TNFSF9: variants seen among roughly 807,000 people sequenced by gnomAD.
TNFSF9 encodes the protein tumor necrosis factor ligand superfamily member 9.
Under a neutral mutation model 10.3 loss-of-function variants are expected in TNFSF9, and 10 were observed. The ratio of observed to expected loss-of-function variants is 0.97; its 90% CI spans 0.60 to 1.65. The LOEUF is 1.65. Ranked by LOEUF, TNFSF9 falls within the 40% of genes most tolerant of loss-of-function variation. The pLI, the probability that TNFSF9 is intolerant of heterozygous loss-of-function variation, is 0.00. For synonymous variants in TNFSF9, 195 were observed against 176.1 expected (o/e 1.11, Z -0.85); for missense variants, 361 against 348.9 (o/e 1.03, Z -0.28).
rs1317147457 is a variant in TNFSF9, at chr19:6,535,073, G to A, written c.*7G>A. On this transcript the variant is annotated 3_prime_UTR_variant, in exon 3 of 3. Transcript: ENST00000245817. ...TTCACCGAGGTCGGAATAACGTCCA[G>A]CCTGGGTGCAGCCCACCTGGACAGA... 1.3e-6 allele frequency: 2 copies of A among 1,534,650 alleles called. No individual in the cohort carries two copies. Among genetic ancestry groups the A allele is most frequent in the Non-Finnish European group, 1.8e-6 (2 of 1,140,088 alleles).
In TNFSF9 at chr19:6,535,623, C is replaced by CAT. The variant is rs1388880978; in HGVS notation, c.*557_*558insAT. On this transcript the variant is annotated 3_prime_UTR_variant, in exon 3 of 3. Transcript: ENST00000245817. ...AGGAATTTAAAGACTCATCCCCAGCCTCCACCTCCTGTGTGATACTTGGGG... is the reference window on the plus strand; with the variant it reads ...AGGAATTTAAAGACTCATCCCCAGCCATTCCACCTCCTGTGTGATACTTGGGG... The CAT allele has an allele frequency of 3.3e-5, 5 of 152,280 alleles. No homozygotes were observed. The highest frequency in any genetic ancestry group is 1.2e-4 in the African/African-American group (5 of 41,556). 9.4% of individuals were successfully genotyped at this position (152,280 alleles called of 1,614,324 possible). A position where few individuals can be genotyped will look rare whatever the true frequency, so the allele number is the denominator to read the frequency against.
intron 1 of TNFSF9, among the ~76,000 whole-genome samples, chr19:6,532,351 GTA>G (rs958043666): frequency 8.1e-5 from 12 of 148,524 alleles, no homozygotes; most frequent in African/African-American, 2.0e-4. Context: ...GTGGGGGTGC[GTA>G]TGTGTGTGTG....
At chr19:6,533,773 A>C (rs370899613) in intron 2 of TNFSF9, among the ~76,000 whole-genome samples, 1 of 374 alleles carries the variant, frequency 2.7e-3, no homozygotes, top group Non-Finnish European at 4.3e-3. Flanking sequence ...CTCCAGAGAC[A>C]CCTTCTCCCT....
intron 2 of TNFSF9, among the ~76,000 whole-genome samples, chr19:6,533,258 A>T (rs1157249654): frequency 2.6e-5 from 1 of 38,164 alleles, no homozygotes; most frequent in African/African-American, 1.2e-4. Context: ...CCCCATCCCC[A>T]GGCCCTCCTC....
Position 6,531,271 on chromosome 19 carries a change from G to T in TNFSF9, c.235G>T (p.Asp79Tyr), listed in dbSNP as rs1915140527. 6.6e-7 allele frequency: 1 copy of T among 1,509,304 alleles called. No individual in the cohort carries two copies. The highest frequency in any genetic ancestry group is 2.7e-5 in the East Asian group (1 of 37,374). 93.5% of individuals were successfully genotyped at this position (1,509,304 alleles called of 1,614,324 possible). ...RLREGPELSP[D>Y]DPAGLLDLRQ... Reference sequence around the variant, plus strand: ...CCGCGAGGGTCCCGAGCTTTCGCCCGACGATCCCGCCGGCCTCTTGGACCT... The same window carrying T: ...CCGCGAGGGTCCCGAGCTTTCGCCCTACGATCCCGCCGGCCTCTTGGACCT... Residue 79 changes from aspartate to tyrosine, a missense_variant, in exon 1 of 3, where the codon GAC (aspartate) becomes TAC (tyrosine). Asp to Tyr is a radical substitution (Grantham distance 160). Coordinates refer to ENST00000245817, the MANE Select transcript of TNFSF9 (RefSeq NM_003811.4).
At chr19:6,531,523 G>A (rs1476695429) in intron 1 of TNFSF9, among the ~76,000 whole-genome samples, 1 of 151,366 alleles carries the variant, frequency 6.6e-6, no homozygotes, top group Non-Finnish European at 1.5e-5. Context: ...ACCCCAGGCC[G>A]GGGGCGGGGA....
In TNFSF9 at chr19:6,531,061, C is replaced by T. The variant is rs781273583; in HGVS notation, c.25C>T (p.Leu9=). MEYASDAS[L]DPEAPWPPAP... is the part of the protein sequence containing the mutation. ...CATGGAATACGCCTCTGACGCTTCA[C>T]TGGACCCCGAAGCCCCGTGGCCTCC... is the stretch of plus-strand genomic sequence containing the variant. The change falls in exon 1 of 3, where the codon CTG becomes TTG. Residue 9 remains leucine (L), a synonymous_variant. Coordinates refer to ENST00000245817, the MANE Select transcript of TNFSF9 (RefSeq NM_003811.4). 2 of 1,611,252 alleles carry T rather than the reference C, an allele frequency of 1.2e-6. No homozygotes were observed. The highest frequency in any genetic ancestry group is 1.7e-5 in the Admixed American group (1 of 59,944).
At chr19:6,531,413 G>C in intron 1 of TNFSF9, 110 bp downstream of exon 1, 3 of 1,342,954 alleles carry the variant, frequency 2.2e-6, no homozygotes, top group Non-Finnish European at 2.9e-6. Flanking sequence ...CTACACTCCC[G>C]GCCGGGGAGA....
Position 6,534,796 on chromosome 19 carries a change from G to T in TNFSF9, c.495G>T (p.Leu165=). Residue 165 remains leucine, a synonymous_variant, in exon 3 of 3, where the codon CTG becomes CTT. Coordinates refer to ENST00000245817, the MANE Select transcript of TNFSF9 (RefSeq NM_003811.4). ...GCTCAGGCTCCGTTTCACTTGCGCT[G>T]CACCTGCAGCCACTGCGCTCTGCTG... The part of the protein sequence containing the change: ...GEGSGSVSLA[L]HLQPLRSAAG... The T allele has an allele frequency of 6.2e-7, 1 of 1,600,498 alleles. No individual in the cohort carries two copies. Among genetic ancestry groups the T allele is most frequent in the Non-Finnish European group, 8.5e-7 (1 of 1,174,652 alleles).
In TNFSF9 at chr19:6,531,191, C is replaced by T. The variant is rs1915137713; in HGVS notation, c.155C>T (p.Pro52Leu). Residue 52 changes from proline (P) to leucine (L), a missense_variant, in exon 1 of 3, where the codon CCC becomes CTC. Pro to Leu is a moderately conservative substitution (Grantham distance 98). Transcript: ENST00000245817. ...AAACAVFLAC[P>L]WAVSGARASP... ...GCCTGCGCCGTCTTCCTCGCCTGCC[C>T]CTGGGCCGTGTCCGGGGCTCGCGCC... 1.3e-6 allele frequency: 2 copies of T among 1,571,274 alleles called. No individual in the cohort carries two copies. Among genetic ancestry groups the T allele is most frequent in the East Asian group, 4.8e-5 (2 of 41,394 alleles).
In TNFSF9 at chr19:6,534,663, C is replaced by A. The variant is rs1003266757; in HGVS notation, c.362C>A (p.Thr121Lys). 1 of 1,590,412 alleles carries A rather than the reference C, an allele frequency of 6.3e-7. No individual in the cohort carries two copies. The change falls in exon 3 of 3, where the codon ACG becomes AAG. Residue 121 changes from threonine to lysine, a missense_variant. Coordinates refer to ENST00000245817, the MANE Select transcript of TNFSF9 (RefSeq NM_003811.4). ...SDPGLAGVSL[T>K]GGLSYKEDTK... ...CCAGGCCTGGCAGGCGTGTCCCTGA[C>A]GGGGGGCCTGAGCTACAAAGAGGAC...
In TNFSF9 at chr19:6,532,816, G is replaced by C; in HGVS notation, c.298G>C (p.Val100Leu). The C allele has an allele frequency of 1.2e-6, 2 of 1,613,728 alleles. No individual in the cohort carries two copies. The highest frequency in any genetic ancestry group is 1.7e-6 in the Non-Finnish European group (2 of 1,179,784). ...GMFAQLVAQN[V>L]LLIDGPLSWY... ...GTTTGCGCAGCTGGTGGCCCAAAAT[G>C]GTAAGTATCCTCCGCCACTTCCGGT... The change falls in exon 2 of 3, where the codon GTT (valine) becomes CTT (leucine). Residue 100 changes from valine to leucine, a missense_variant and splice_region_variant. Transcript: ENST00000245817.
Position 6,534,918 on chromosome 19 carries a change from T to G in TNFSF9, c.617T>G (p.Leu206Arg). ...GGTTTCCAGGGCCGCTTGCTGCACCTGAGTGCCGGCCAGCGCCTGGGCGTC... is the reference window on the plus strand; with the variant it reads ...GGTTTCCAGGGCCGCTTGCTGCACCGGAGTGCCGGCCAGCGCCTGGGCGTC... ...AFGFQGRLLH[L>R]SAGQRLGVHL... The change falls in exon 3 of 3, where the codon CTG (leucine) becomes CGG (arginine). Residue 206 changes from leucine (L) to arginine (R), a missense_variant. Leu to Arg is a moderately radical substitution (Grantham distance 102). Coordinates refer to ENST00000245817, the MANE Select transcript of TNFSF9 (RefSeq NM_003811.4). 1 of 1,609,452 alleles carries G rather than the reference T, an allele frequency of 6.2e-7. No homozygotes were observed. The highest frequency in any genetic ancestry group is 8.5e-7 in the Non-Finnish European group (1 of 1,179,420).
rs1023325401 is a variant in TNFSF9 at position 6,532,040 on chromosome 19, C to G, written c.267+737C>G. ...TGCATCTCTGGGGGGAACCTTTTTT[C>G]CATCCCCGATCCGAGGGGGGCACTT... On this transcript the variant is annotated intron_variant, in intron 1 of 2. Transcript: ENST00000245817. Among the ~76,000 whole-genome samples the G allele has an allele frequency of 3.9e-5, 6 of 152,180 alleles. No individual in the cohort carries two copies. The East Asian group carries it at 1.2e-3, about 29-fold the overall frequency.
chr19:6,534,992 G>A lies in TNFSF9; in HGVS notation c.691G>A (p.Gly231Ser). 1.2e-6 allele frequency: 2 copies of A among 1,610,090 alleles called. No individual in the cohort carries two copies. The highest frequency in any genetic ancestry group is 8.5e-7 in the Non-Finnish European group (1 of 1,178,268). The change falls in exon 3 of 3, where the codon GGC becomes AGC. Residue 231 changes from glycine to serine, a missense_variant. Transcript: ENST00000245817. ...RARHAWQLTQ[G>S]ATVLGLFRVT... ...ACGCCATGCCTGGCAGCTTACCCAGGGCGCCACAGTCTTGGGACTCTTCCG... is the reference window on the plus strand; with the variant it reads ...ACGCCATGCCTGGCAGCTTACCCAGAGCGCCACAGTCTTGGGACTCTTCCG...
At chr19:6,533,279 C>G (rs1264438580) in intron 2 of TNFSF9, among the ~76,000 whole-genome samples, 2 of 122,952 alleles carry the variant, frequency 1.6e-5, no homozygotes, top group Non-Finnish European at 3.2e-5. Context: ...CTGTCCCCTT[C>G]CCTCCCCCTA....
At position 6,534,631 on chromosome 19, in the gene TNFSF9, C is replaced by A. The variant is rs61749999; in HGVS notation, c.330C>A (p.Tyr110Ter). ...TGATCGATGGGCCCCTGAGCTGGTA[C>A]AGTGACCCAGGCCTGGCAGGCGTGT... The part of the protein sequence containing the change: ...VLLIDGPLSW[Y>*]SDPGLAGVSL... Residue 110 changes from tyrosine (Y) to a stop codon, truncating the protein, a stop_gained, in exon 3 of 3, where the codon TAC (tyrosine) becomes TAA (stop). Coordinates refer to ENST00000245817, the MANE Select transcript of TNFSF9 (RefSeq NM_003811.4). LOFTEE classifies it low-confidence loss of function (END_TRUNC). 6.3e-7 allele frequency: 1 copy of A among 1,582,642 alleles called. No homozygotes were observed.
rs2234181 is a variant in TNFSF9 at position 6,535,054 on chromosome 19, G to A, written c.753G>A (p.Pro251=). Residue 251 remains proline (P), a synonymous_variant, in exon 3 of 3, where the codon CCG becomes CCA. Transcript: ENST00000245817. ...TPEIPAGLPS[P]RSE is the part of the protein sequence containing the mutation. ...AAATCCCAGCCGGACTCCCTTCACC[G>A]AGGTCGGAATAACGTCCAGCCTGGG... 2,351 of 1,564,906 alleles carry A rather than the reference G, an allele frequency of 1.5e-3. 20 individuals carry two copies. In the East Asian group the frequency reaches 0.023, roughly 15 times the overall value.
rs768744624 is a variant in TNFSF9, at chr19:6,534,891, T to C, written c.590T>C (p.Phe197Ser). ...TCCTCCGAGGCTCGGAACTCGGCCT[T>C]CGGTTTCCAGGGCCGCTTGCTGCAC... Reference protein sequence around the residue: ...PASSEARNSAFGFQGRLLHLS... With the variant: ...PASSEARNSASGFQGRLLHLS... The change falls in exon 3 of 3, where the codon TTC becomes TCC. Residue 197 changes from phenylalanine to serine, a missense_variant. By Grantham distance (155) the Phe-to-Ser change is radical. Transcript: ENST00000245817. 3 of 1,607,990 alleles carry C rather than the reference T, an allele frequency of 1.9e-6. No homozygotes were observed. Among genetic ancestry groups the C allele is most frequent in the Non-Finnish European group, 1.7e-6 (2 of 1,179,182 alleles).
Sources: gnomAD v4.1 joint callset for allele counts (sites outside exome capture counted in the v4.1 genomes callset) on GRCh38, gnomAD v4.1.1 for gene constraint, MANE v1.5 for transcripts, NCBI Gene and HGNC (gene_info 2026-07-23, HGNC 2026-07-21) for gene names.